The following DENND1A variants were observed in gnomAD, a reference collection of about 807,000 sequenced individuals.
DENND1A encodes DENN domain-containing protein 1A.
In DENND1A, 51 loss-of-function variants were observed where a neutral mutation model predicts 113.7. That is an observed-to-expected ratio of 0.45 (90% CI 0.36 to 0.57). The LOEUF (loss-of-function observed/expected upper bound fraction) is 0.57. DENND1A is among the 20% of genes least tolerant of loss of function. The pLI is 0.00. For synonymous variants in DENND1A, 565 were observed against 570.8 expected, an observed-to-expected ratio of 0.99 and a Z score of 0.14; for missense variants, 1,258 against 1,395.9, an observed-to-expected ratio of 0.90 and a Z score of 1.57.
At chr9:123,740,899 TGA>T (rs56006420) in intron 5 of DENND1A, among the ~76,000 whole-genome samples, 4,429 of 108,718 alleles carry the variant, frequency 0.041, 114 homozygotes, top group African/African-American at 0.083. Flanking sequence ...GAAGGGAAAG[TGA>T]GAGAGAGAGA....
chr9:123,665,354 C>T (rs576645454), intron 8 of DENND1A, among the ~76,000 whole-genome samples: 1 of 152,178 alleles, frequency 6.6e-6, no homozygotes, highest in South Asian at 2.1e-4. Flanking sequence ...TATAATATTT[C>T]GAGTAGTAGT....
In DENND1A at chr9:123,736,964, A is replaced by G. The variant is rs79333629; in HGVS notation, c.302+20739T>C. ...GATTACCTTAATGGACTAACTACCA[A>G]TGCTGTGAGGTTACTGATCTAGAAG... is the stretch of plus-strand genomic sequence containing the variant. On this transcript the variant is annotated intron_variant, in intron 5 of 23. Coordinates refer to ENST00000394215, the MANE Select transcript of DENND1A (RefSeq NM_001352964.2). 6.9e-3 allele frequency among the ~76,000 whole-genome samples: 1,050 copies of G among 152,282 alleles called. 11 individuals are homozygous for G. Among genetic ancestry groups the G allele is most frequent in the African/African-American group, 0.024 (1,003 of 41,552 alleles).
intron 17 of DENND1A, among the ~76,000 whole-genome samples, 174 bp downstream of exon 17, chr9:123,452,102 G>A (rs528929853): frequency 3.9e-5 from 6 of 152,218 alleles, no homozygotes; most frequent in Admixed American, 2.0e-4. Context: ...GCTGAGGTGG[G>A]AGGATTGCTT....
At chr9:123,827,414 TATAG>T (rs1564348946) in intron 2 of DENND1A, among the ~76,000 whole-genome samples, 1 of 142,586 alleles carries the variant, frequency 7.0e-6, no homozygotes, top group African/African-American at 2.6e-5. Flanking sequence ...TATATATATA[TATAG>T]GTGGGAGGAA....
chr9:123,577,769 T>C (rs73578202), intron 12 of DENND1A, among the ~76,000 whole-genome samples: 2,198 of 152,268 alleles, frequency 0.014, 63 homozygotes, highest in African/African-American at 0.051. Flanking sequence ...TTCACCCCCA[T>C]GTAACTGGCA....
In DENND1A at chr9:123,792,612, T is replaced by C. The variant is rs772191639; in HGVS notation, c.107A>G (p.Gln36Arg). 5 of 1,613,078 alleles carry C rather than the reference T, an allele frequency of 3.1e-6. No individual in the cohort carries two copies. Among genetic ancestry groups the C allele is most frequent in the Non-Finnish European group, 3.4e-6 (4 of 1,179,404 alleles). Reference sequence around the variant, plus strand: ...CTGGTCACTGTAGTCCTCCGGGAATTGCCTCTGCACCTCAGGATCTGTAAA... The same window carrying C: ...CTGGTCACTGTAGTCCTCCGGGAATCGCCTCTGCACCTCAGGATCTGTAAA... ...GTLSDPEVQR[Q>R]FPEDYSDQEV... Residue 36 changes from glutamine to arginine, a missense_variant, in exon 3 of 24, where the codon CAA (glutamine) becomes CGA (arginine). Physicochemically the swap from Gln to Arg is conservative, Grantham distance 43 (BLOSUM62 1). Coordinates refer to ENST00000394215, the MANE Select transcript of DENND1A (RefSeq NM_001352964.2).
chr9:123,824,136 A>G (rs1464934385), intron 2 of DENND1A, among the ~76,000 whole-genome samples: 4 of 152,226 alleles, frequency 2.6e-5, no homozygotes, highest in Non-Finnish European at 5.9e-5. Context: ...TTTACTGAAC[A>G]TCTACAATGT....
At chr9:123,648,964 G>T (rs1176776138) in intron 9 of DENND1A, among the ~76,000 whole-genome samples, 1 of 152,136 alleles carries the variant, frequency 6.6e-6, no homozygotes, top group Non-Finnish European at 1.5e-5. Flanking sequence ...CAGCCCATAT[G>T]TGTATCCTCA....
intron 13 of DENND1A, among the ~76,000 whole-genome samples, chr9:123,496,798 A>T (rs1369605321): frequency 6.6e-6 from 1 of 152,192 alleles, no homozygotes; most frequent in Non-Finnish European, 1.5e-5. Context: ...ACGTAGGGGG[A>T]AAACCGCAGC....
At chr9:123,701,229 T>C (rs1382733647) in intron 5 of DENND1A, among the ~76,000 whole-genome samples, 1 of 152,152 alleles carries the variant, frequency 6.6e-6, no homozygotes. Flanking sequence ...CCAGGGATTA[T>C]CCCCACACAG....
intron 2 of DENND1A, among the ~76,000 whole-genome samples, chr9:123,862,274 T>A (rs1387702753): frequency 6.6e-6 from 1 of 152,160 alleles, no homozygotes; most frequent in Non-Finnish European, 1.5e-5. Context: ...TTTATGTTTG[T>A]AAGGTGAGGA....
chr9:123,708,218 T>G (rs2066354638), intron 5 of DENND1A, among the ~76,000 whole-genome samples: 1 of 152,152 alleles, frequency 6.6e-6, no homozygotes, highest in African/African-American at 2.4e-5. Flanking sequence ...CGAATGGTCA[T>G]ATTCTTTAGT....
chr9:123,704,714 C>A (rs1449120267), intron 5 of DENND1A, among the ~76,000 whole-genome samples: 1 of 151,962 alleles, frequency 6.6e-6, no homozygotes, highest in Non-Finnish European at 1.5e-5. Flanking sequence ...AACTTAGTTT[C>A]TCATTTTTTA....
intron 2 of DENND1A, among the ~76,000 whole-genome samples, chr9:123,802,233 T>C (rs13300985): frequency 6.6e-6 from 1 of 152,140 alleles, no homozygotes; most frequent in Non-Finnish European, 1.5e-5. Flanking sequence ...CTTTCAAGAG[T>C]TGGATGTTTC....
At chr9:123,761,751 G>A (rs1468029105) in intron 4 of DENND1A, among the ~76,000 whole-genome samples, 1 of 152,172 alleles carries the variant, frequency 6.6e-6, no homozygotes, top group Non-Finnish European at 1.5e-5. Flanking sequence ...TCTGGCAAGG[G>A]AAGTCAAAGA....
chr9:123,508,631 TA>T (rs1485391542), intron 13 of DENND1A, among the ~76,000 whole-genome samples: 8 of 152,248 alleles, frequency 5.3e-5, no homozygotes, highest in Admixed American at 1.3e-4. Flanking sequence ...ATGCTTGTTT[TA>T]AAAGTTATTC....
At chr9:123,848,321 T>G (rs1461661447) in intron 2 of DENND1A, among the ~76,000 whole-genome samples, 2 of 151,862 alleles carry the variant, frequency 1.3e-5, no homozygotes, top group Admixed American at 1.3e-4. Flanking sequence ...TGTCACATTT[T>G]GGGAATTTTT....
intron 22 of DENND1A, among the ~76,000 whole-genome samples, chr9:123,384,189 T>G (rs1029140548): frequency 6.6e-6 from 1 of 152,232 alleles, no homozygotes; most frequent in Non-Finnish European, 1.5e-5. Flanking sequence ...CTACAGGTCC[T>G]TTCATAAAAC....
intron 11 of DENND1A, among the ~76,000 whole-genome samples, chr9:123,604,635 G>C (rs1195107423): frequency 1.3e-5 from 2 of 152,218 alleles, no homozygotes; most frequent in Non-Finnish European, 2.9e-5. Flanking sequence ...GCTGGAGTTA[G>C]CACAGCAGGG....
Sources: gnomAD v4.1 joint callset for allele counts (sites outside exome capture counted in the v4.1 genomes callset) on GRCh38, gnomAD v4.1.1 for gene constraint, MANE v1.5 for transcripts, NCBI Gene and HGNC (gene_info 2026-07-23, HGNC 2026-07-21) for gene names.